The following SLIT2 variants were observed in gnomAD, a reference collection of about 807,000 sequenced individuals.
The protein encoded by SLIT2 is slit guidance ligand 2.
A neutral mutation model predicts 185.7 loss-of-function variants in SLIT2; 41 were observed. The observed-to-expected ratio is 0.22, with a 90% CI of 0.17 to 0.29. The LOEUF (loss-of-function observed/expected upper bound fraction) is 0.29, where lower values mean the gene tolerates loss of function less well. Among genes scored for constraint, SLIT2 ranks in the 10% least tolerant of loss-of-function variants. SLIT2 has a pLI of 1.00. For synonymous variants in SLIT2, 693 were observed against 680.2 expected, an observed-to-expected ratio of 1.02 and a Z score of -0.29; for missense variants, 1,571 against 1,909.0, an observed-to-expected ratio of 0.82 and a Z score of 3.30.
At position 20,618,917 on chromosome 4, in the gene SLIT2, C is replaced by T. The variant is rs756043001; in HGVS notation, c.4498C>T (p.Arg1500Trp). The T allele has an allele frequency of 1.4e-5, 22 of 1,613,886 alleles. No individual in the cohort carries two copies. The highest frequency in any genetic ancestry group is 1.0e-4 in the Admixed American group (6 of 59,988). ...CTGTGGACCGCTGAGGAGCAAGCGG[C>T]GGAAATACTCTTTCGAATGCACTGA... ...QCCGPLRSKR[R>W]KYSFECTDGS... Residue 1500 changes from arginine (R) to tryptophan (W), a missense_variant, in exon 37 of 37, where the codon CGG (arginine) becomes TGG (tryptophan). Transcript: ENST00000504154.
chr4:20,423,401 T>C (rs1474673014), intron 4 of SLIT2, among the ~76,000 whole-genome samples: 2 of 152,124 alleles, frequency 1.3e-5, no homozygotes, highest in Non-Finnish European at 2.9e-5. Flanking sequence ...TATTAAAAAG[T>C]ATACTATAAT....
chr4:20,507,079 A>G (rs979949192), intron 9 of SLIT2, among the ~76,000 whole-genome samples: 1 of 152,026 alleles, frequency 6.6e-6, no homozygotes, highest in African/African-American at 2.4e-5. Context: ...TCCTTGGTAC[A>G]TTGCAATAAC....
At chr4:20,258,060 G>A in intron 3 of SLIT2, 121 bp downstream of exon 3, 5 of 562,382 alleles carry the variant, frequency 8.9e-6, no homozygotes, top group Non-Finnish European at 1.6e-5. Flanking sequence ...GAAAAAGGAG[G>A]ATGAATGAGT....
intron 4 of SLIT2, among the ~76,000 whole-genome samples, chr4:20,363,219 C>T (rs751169322): frequency 2.6e-5 from 4 of 152,012 alleles, no homozygotes; most frequent in African/African-American, 9.7e-5. Flanking sequence ...TGATTTATGT[C>T]CTTTTCTTAA....
intron 26 of SLIT2, among the ~76,000 whole-genome samples, chr4:20,563,289 A>C (rs1438924724): frequency 6.6e-6 from 1 of 151,804 alleles, no homozygotes; most frequent in Non-Finnish European, 1.5e-5. Context: ...AAAGATCTTT[A>C]TCCCTGAAGC....
intron 22 of SLIT2, among the ~76,000 whole-genome samples, chr4:20,547,832 C>A (rs1381829757): frequency 6.6e-6 from 1 of 151,694 alleles, no homozygotes; most frequent in Non-Finnish European, 1.5e-5. Context: ...ATATAAGTAG[C>A]CATTTAACAT....
chr4:20,471,113 A>G (rs1023552088), intron 5 of SLIT2, among the ~76,000 whole-genome samples: 4 of 152,202 alleles, frequency 2.6e-5, no homozygotes, highest in African/African-American at 9.6e-5. Flanking sequence ...AATGAGGGAA[A>G]TATTAAAATA....
intron 4 of SLIT2, among the ~76,000 whole-genome samples, chr4:20,419,884 T>C (rs2109459598): frequency 6.6e-6 from 1 of 152,192 alleles, no homozygotes; most frequent in East Asian, 1.9e-4. Flanking sequence ...CTTTCAGAGA[T>C]TTCCTTGCGC....
intron 29 of SLIT2, among the ~76,000 whole-genome samples, chr4:20,579,537 T>G (rs1726362474): frequency 6.6e-6 from 1 of 152,176 alleles, no homozygotes; most frequent in African/African-American, 2.4e-5. Flanking sequence ...GGAAATTAGA[T>G]GTTGATCTTA....
At position 20,605,427 on chromosome 4, in the gene SLIT2, A is replaced by G. The variant is rs189833883; in HGVS notation, c.3693-4586A>G. Among the ~76,000 whole-genome samples, 93 of 152,346 alleles carry G rather than the reference A, an allele frequency of 6.1e-4. 1 individual carries two copies. The highest frequency in any genetic ancestry group is 2.2e-3 in the African/African-American group (90 of 41,582). On this transcript the variant is annotated intron_variant, in intron 33 of 36. Coordinates refer to ENST00000504154, the MANE Select transcript of SLIT2 (RefSeq NM_004787.4). ...GGAAATAGGTGAGCGTAGTAAAACT[A>G]AACCTTATAGTAACAGTAATAAATG...
At chr4:20,364,713 T>A (rs1577506441) in intron 4 of SLIT2, among the ~76,000 whole-genome samples, 1 of 120,256 alleles carries the variant, frequency 8.3e-6, no homozygotes, top group East Asian at 2.0e-4. Flanking sequence ...TTCAGTGATC[T>A]AATTACTATA....
chr4:20,554,770 TTTTG>T (rs1341050671), intron 26 of SLIT2, among the ~76,000 whole-genome samples: 7 of 151,934 alleles, frequency 4.6e-5, no homozygotes, highest in Non-Finnish European at 7.4e-5. Context: ...TTTGTTTTTT[TTTTG>T]TTTGTTTGAG....
intron 4 of SLIT2, among the ~76,000 whole-genome samples, chr4:20,313,839 A>T (rs1267716671): frequency 6.6e-6 from 1 of 152,106 alleles, no homozygotes; most frequent in African/African-American, 2.4e-5. Context: ...TCAGGCGGCA[A>T]TGCTCACTTG....
chr4:20,493,590 G>A (rs1335619464), intron 9 of SLIT2, among the ~76,000 whole-genome samples: 5 of 152,172 alleles, frequency 3.3e-5, no homozygotes, highest in Admixed American at 6.5e-5. Flanking sequence ...GGCAAGGTAC[G>A]ATGGTTAACT....
chr4:20,375,390 A>T, intron 4 of SLIT2, among the ~76,000 whole-genome samples: 1 of 152,094 alleles, frequency 6.6e-6, no homozygotes, highest in East Asian at 1.9e-4. Flanking sequence ...TACACCTGTC[A>T]CTTAAAATCT....
At chr4:20,410,147 CTA>C (rs1427852185) in intron 4 of SLIT2, among the ~76,000 whole-genome samples, 2 of 151,184 alleles carry the variant, frequency 1.3e-5, no homozygotes, top group African/African-American at 4.9e-5. Flanking sequence ...TTGCCTGTGC[CTA>C]TGTCCCAAAT....
At chr4:20,427,231 C>T (rs1397352039) in intron 4 of SLIT2, among the ~76,000 whole-genome samples, 1 of 152,146 alleles carries the variant, frequency 6.6e-6, no homozygotes, top group Non-Finnish European at 1.5e-5. Flanking sequence ...ATCACAGGTT[C>T]TGTGAAACCA....
chr4:20,520,851 T>C (rs887288681), intron 12 of SLIT2, among the ~76,000 whole-genome samples: 3 of 152,196 alleles, frequency 2.0e-5, no homozygotes, highest in African/African-American at 7.2e-5. Context: ...AATAGACCAA[T>C]GAGTCATGAG....
chr4:20,483,033 C>T (rs1716864851), intron 6 of SLIT2, among the ~76,000 whole-genome samples: 2 of 151,888 alleles, frequency 1.3e-5, no homozygotes, highest in African/African-American at 2.4e-5. Context: ...AGAAAGATGA[C>T]TGTCTGTTTT....
Sources: allele counts gnomAD v4.1 joint callset (sites outside exome capture counted in the v4.1 genomes callset), GRCh38; gene constraint gnomAD v4.1.1; transcripts MANE v1.5; gene names NCBI Gene and HGNC (gene_info 2026-07-23, HGNC 2026-07-21).